Variants in PCDHA4 observed in about 807,000 individuals in gnomAD.
PCDHA4 encodes the protein protocadherin alpha 4.
A neutral mutation model predicts 61.4 loss-of-function variants in PCDHA4; 49 were observed. The observed-to-expected ratio is 0.80, with a 90% CI of 0.63 to 1.01. The LOEUF is 1.01. PCDHA4 is among the 50% of genes least tolerant of loss of function. The probability of loss-of-function intolerance (pLI) is 0.00; values close to 1 mark genes in which losing one functional copy is unlikely to be tolerated. For synonymous variants in PCDHA4, 590 were observed against 550.3 expected, an observed-to-expected ratio of 1.07 and a Z score of -1.01; for missense variants, 1,254 against 1,235.8, an observed-to-expected ratio of 1.01 and a Z score of -0.22.
intron 1 of PCDHA4, chr5:140,928,768 C>G: frequency 1.2e-6 from 2 of 1,614,136 alleles, no homozygotes; most frequent in Non-Finnish European, 1.7e-6. Context: ...CTTAGTTCTT[C>G]CCACTGATGC....
chr5:140,841,080 C>T, intron 1 of PCDHA4: 1 of 535,424 alleles, frequency 1.9e-6, no homozygotes, highest in Non-Finnish European at 3.2e-6. Flanking sequence ...ATAGAAAGTG[C>T]ATAGAAGAAC....
chr5:140,857,738 C>T, intron 1 of PCDHA4: 1 of 1,597,432 alleles, frequency 6.3e-7, no homozygotes, highest in Non-Finnish European at 8.6e-7. Flanking sequence ...CGCTCCCGCG[C>T]TGCTGGCGTC....
At chr5:140,907,480 CA>C (rs1384591200) in intron 1 of PCDHA4, among the ~76,000 whole-genome samples, 2 of 152,212 alleles carry the variant, frequency 1.3e-5, no homozygotes, top group African/African-American at 4.8e-5. Context: ...GCAGGATAGG[CA>C]AACCCATATC....
At chr5:140,861,996 G>T (rs988991562) in intron 1 of PCDHA4, 4 of 155,486 alleles carry the variant, frequency 2.6e-5, no homozygotes, top group African/African-American at 9.7e-5. Context: ...AAGGTACACT[G>T]GTTATTAGAC....
At chr5:140,841,911 G>GA (rs2150325443) in intron 1 of PCDHA4, 1 of 1,613,886 alleles carries the variant, frequency 6.2e-7, no homozygotes, top group Non-Finnish European at 8.5e-7. Flanking sequence ...CTCGTATTAA[G>GA]AAAATCCTTG....
chr5:140,820,235 G>A (rs1285807368), intron 1 of PCDHA4, among the ~76,000 whole-genome samples: 1 of 151,950 alleles, frequency 6.6e-6, no homozygotes, highest in East Asian at 1.9e-4. Flanking sequence ...TGATAATAGA[G>A]ATAGTAAAAA....
rs545893416 is a variant in PCDHA4, at chr5:140,934,382, A to G, written c.2386-44567A>G. On this transcript the variant is annotated intron_variant, in intron 1 of 3. Transcript: ENST00000530339. ...CTGCTTTGACTCCTTCTGTGGTTCT[A>G]TGGTGGCCAGCTTTACCCACCAATG... Among the ~76,000 whole-genome samples the G allele has an allele frequency of 2.0e-3, 310 of 152,264 alleles. 8 individuals are homozygous for G. Among genetic ancestry groups the G allele is most frequent in the South Asian group, 3.9e-3 (19 of 4,830 alleles).
rs142105240 is a variant in PCDHA4, at chr5:140,882,817, A to G, written c.2385+73245A>G. The G allele has an allele frequency of 5.3e-5, 86 of 1,614,242 alleles. 1 individual carries two copies. The African/African-American group carries it at 9.9e-4, about 19-fold the overall frequency. The stretch of plus-strand genomic sequence containing the variant: ...ACGATTATTTCACTTTGGACGCACA[A>G]AACAGTCTTGAGCAAATGTCTTCAT... On this transcript the variant is annotated intron_variant, in intron 1 of 3. Transcript: ENST00000530339.
chr5:140,939,195 C>T (rs1554212604), intron 1 of PCDHA4, among the ~76,000 whole-genome samples: 1 of 152,122 alleles, frequency 6.6e-6, no homozygotes, highest in East Asian at 1.9e-4. Flanking sequence ...GTTCATAAAA[C>T]AGAATGTCAC....
chr5:140,838,729 A>G (rs2150291864), intron 1 of PCDHA4, among the ~76,000 whole-genome samples: 7 of 152,120 alleles, frequency 4.6e-5, no homozygotes, highest in Non-Finnish European at 8.8e-5. Flanking sequence ...TCAGTCTAGT[A>G]GTTTGAGACC....
rs555714516 is a variant in PCDHA4, at chr5:140,983,025, A to T, written c.2533+462A>T. Among the ~76,000 whole-genome samples the T allele has an allele frequency of 9.9e-5, 15 of 151,964 alleles. 1 individual carries two copies. The South Asian group carries it at 2.9e-3, about 29-fold the overall frequency. ...AAGAAAAAGGAAGGAAGGAAGGAAG[A>T]TGGTTTCTCATGGAAGTGGAAAATT... On this transcript the variant is annotated intron_variant, in intron 3 of 3. Coordinates refer to ENST00000530339, the MANE Select transcript of PCDHA4 (RefSeq NM_018907.4).
At chr5:140,989,321 C>A (rs898791820) in intron 3 of PCDHA4, among the ~76,000 whole-genome samples, 6 of 152,178 alleles carry the variant, frequency 3.9e-5, no homozygotes, top group Non-Finnish European at 7.3e-5. Flanking sequence ...GTCTCACCAA[C>A]TTTGCCACCT....
rs1777656080 is a variant in PCDHA4, at chr5:140,842,032, T to C, written c.2385+32460T>C. ...TGGTCACAGTGCTGGATGTGAATGA[T>C]AATGCTCCCACTTTCGAACAGTCTG... On this transcript the variant is annotated intron_variant, in intron 1 of 3. Transcript: ENST00000530339. The C allele has an allele frequency of 1.9e-6, 3 of 1,613,844 alleles. 1 individual carries two copies. The highest frequency in any genetic ancestry group is 1.7e-5 in the Admixed American group (1 of 60,002).
chr5:140,833,430 A>G (rs2150208513), intron 1 of PCDHA4, among the ~76,000 whole-genome samples: 6 of 152,230 alleles, frequency 3.9e-5, no homozygotes, highest in Non-Finnish European at 7.3e-5. Flanking sequence ...GAGATGGCTG[A>G]GCACTGAAAT....
chr5:140,961,385 T>G (rs1480607533), intron 1 of PCDHA4, among the ~76,000 whole-genome samples: 3 of 152,204 alleles, frequency 2.0e-5, no homozygotes, highest in Non-Finnish European at 4.4e-5. Flanking sequence ...GTTTGAACTA[T>G]TCCATTAGTA....
At chr5:140,834,330 C>T (rs1443082760) in intron 1 of PCDHA4, 11 of 1,472,318 alleles carry the variant, frequency 7.5e-6, no homozygotes, top group African/African-American at 1.4e-5. Context: ...AAAAACATTC[C>T]TATAAATTCG....
At chr5:140,821,593 C>T in intron 1 of PCDHA4, 2 of 678,042 alleles carry the variant, frequency 2.9e-6, no homozygotes, top group Non-Finnish European at 4.6e-6. Context: ...CCTTCCCAGC[C>T]TCAAAGGAAT....
chr5:140,874,295 C>G (rs1395734627), intron 1 of PCDHA4, among the ~76,000 whole-genome samples: 2 of 152,110 alleles, frequency 1.3e-5, no homozygotes, highest in Non-Finnish European at 2.9e-5. Context: ...TCTATGTGTA[C>G]TTGTTCACAA....
At chr5:140,879,555 C>A (rs1278975106) in intron 1 of PCDHA4, among the ~76,000 whole-genome samples, 1 of 152,048 alleles carries the variant, frequency 6.6e-6, no homozygotes, top group African/African-American at 2.4e-5. Flanking sequence ...AAAAATAATC[C>A]ATGAAAGAAT....
Sources: allele counts gnomAD v4.1 joint callset (sites outside exome capture counted in the v4.1 genomes callset), GRCh38; gene constraint gnomAD v4.1.1; transcripts MANE v1.5; gene names NCBI Gene and HGNC (gene_info 2026-07-23, HGNC 2026-07-21).